Variants in TMEM117 observed in about 807,000 individuals in gnomAD.
The protein encoded by TMEM117 is transmembrane protein 117.
TMEM117 carries 27 observed loss-of-function variants against 52.4 expected under a neutral mutation model. The observed-to-expected ratio is 0.51, with a 90% CI of 0.38 to 0.71. The LOEUF (loss-of-function observed/expected upper bound fraction) is 0.71, where lower values mean the gene tolerates loss of function less well. Among genes scored for constraint, TMEM117 ranks in the 30% least tolerant of loss-of-function variants. The pLI is 0.00. For synonymous variants in TMEM117, 215 were observed against 206.3 expected (o/e 1.04, Z -0.36); for missense variants, 556 against 630.5 (o/e 0.88, Z 1.26).
chr12:44,124,357 A>G (rs1214579150), intron 3 of TMEM117, among the ~76,000 whole-genome samples: 1 of 152,206 alleles, frequency 6.6e-6, no homozygotes, highest in African/African-American at 2.4e-5. Context: ...AGCAAAGACA[A>G]TTTGACTTCC....
intron 3 of TMEM117, among the ~76,000 whole-genome samples, chr12:44,103,872 A>G (rs1947906597): frequency 6.6e-6 from 1 of 152,030 alleles, no homozygotes; most frequent in African/African-American, 2.4e-5. Context: ...GCACTTTTAA[A>G]ACATATAGAT....
At chr12:43,819,224 T>C in the TMEM117 span, among the ~76,000 whole-genome samples, 1 of 152,224 alleles carries the variant, frequency 6.6e-6, no homozygotes, top group South Asian at 2.1e-4. Flanking sequence ...AATTCTTACT[T>C]GCTTTCTTGC....
intron 5 of TMEM117, among the ~76,000 whole-genome samples, chr12:44,258,598 A>C (rs1950286781): frequency 6.6e-6 from 1 of 151,978 alleles, no homozygotes; most frequent in African/African-American, 2.4e-5. Flanking sequence ...TATTTATTCA[A>C]ACTCTTTTGA....
At chr12:43,931,324 C>G (rs1191562247) in intron 2 of TMEM117, among the ~76,000 whole-genome samples, 1 of 152,156 alleles carries the variant, frequency 6.6e-6, no homozygotes, top group East Asian at 1.9e-4. Context: ...AAGAACAAAA[C>G]TCAAGAGTAC....
chr12:44,214,463 C>T (rs1345515644), intron 5 of TMEM117, among the ~76,000 whole-genome samples: 4 of 152,016 alleles, frequency 2.6e-5, no homozygotes, highest in Non-Finnish European at 4.4e-5. Context: ...CCACCACACC[C>T]GGCCTCAAAT....
At chr12:44,179,416 C>T (rs951669701) in intron 4 of TMEM117, among the ~76,000 whole-genome samples, 3 of 152,120 alleles carry the variant, frequency 2.0e-5, no homozygotes, top group Non-Finnish European at 2.9e-5. Flanking sequence ...GCTGAAGGCC[C>T]GAGAGCTTCT....
chr12:44,195,905 TA>T (rs1204754399), intron 4 of TMEM117, among the ~76,000 whole-genome samples: 6 of 147,772 alleles, frequency 4.1e-5, no homozygotes, highest in African/African-American at 1.5e-4. Context: ...AATAAATAAA[TA>T]AATAAATAAA....
At chr12:44,166,652 A>T (rs1189984688) in intron 4 of TMEM117, among the ~76,000 whole-genome samples, 1 of 152,186 alleles carries the variant, frequency 6.6e-6, no homozygotes, top group African/African-American at 2.4e-5. Flanking sequence ...TACTTAAATG[A>T]TCATGCTGCT....
At chr12:44,199,823 A>G (rs978041758) in intron 4 of TMEM117, among the ~76,000 whole-genome samples, 4 of 152,158 alleles carry the variant, frequency 2.6e-5, no homozygotes, top group Admixed American at 6.6e-5. Flanking sequence ...AATGCTGTTA[A>G]AGAATACTTA....
chr12:44,343,397 G>A (rs1038248357), intron 6 of TMEM117, among the ~76,000 whole-genome samples: 2 of 152,092 alleles, frequency 1.3e-5, no homozygotes, highest in Admixed American at 6.6e-5. Flanking sequence ...TGCCCCTAAA[G>A]GGACTTGCTT....
chr12:44,018,206 C>T (rs546660417), intron 3 of TMEM117, among the ~76,000 whole-genome samples: 1 of 152,122 alleles, frequency 6.6e-6, no homozygotes, highest in African/African-American at 2.4e-5. Flanking sequence ...TCTAGTTAGT[C>T]AACTAGATTT....
At chr12:44,375,880 A>C (rs930594457) in intron 6 of TMEM117, among the ~76,000 whole-genome samples, 2 of 152,170 alleles carry the variant, frequency 1.3e-5, no homozygotes, top group Non-Finnish European at 2.9e-5. Flanking sequence ...GAGACACCTA[A>C]AAATATCCTC....
At chr12:43,810,826 A>G in the TMEM117 span, among the ~76,000 whole-genome samples, 171 of 152,328 alleles carry the variant, frequency 1.1e-3, 2 homozygotes, top group African/African-American at 3.6e-3. Context: ...ATACTTTATC[A>G]TAAAGCTTCA....
chr12:44,199,538 G>T (rs1949465466), intron 4 of TMEM117, among the ~76,000 whole-genome samples: 1 of 152,010 alleles, frequency 6.6e-6, no homozygotes, highest in Admixed American at 6.6e-5. Context: ...TATCAACCAA[G>T]TCAGGAAAAT....
chr12:44,193,259 A>G (rs1416285444), intron 4 of TMEM117, among the ~76,000 whole-genome samples: 2 of 152,242 alleles, frequency 1.3e-5, no homozygotes, highest in African/African-American at 4.8e-5. Flanking sequence ...TAACCAGGAA[A>G]AAGCAACAGC....
intron 3 of TMEM117, among the ~76,000 whole-genome samples, chr12:44,110,214 G>A (rs866845574): frequency 1.0e-4 from 15 of 146,704 alleles, no homozygotes; most frequent in African/African-American, 1.8e-4. Context: ...TCTCCTGCCT[G>A]ATTGCCCTGG....
At chr12:44,282,442 G>C (rs187421594) in intron 5 of TMEM117, among the ~76,000 whole-genome samples, 6 of 152,282 alleles carry the variant, frequency 3.9e-5, no homozygotes, top group Admixed American at 3.3e-4. Context: ...TAGCGATATG[G>C]ACCATAAGGT....
intron 4 of TMEM117, among the ~76,000 whole-genome samples, chr12:44,150,874 AG>A (rs1458909525): frequency 6.6e-6 from 1 of 152,160 alleles, no homozygotes; most frequent in Admixed American, 6.6e-5. Flanking sequence ...CGGGTAAAAA[AG>A]GTTGTACTAT....
intron 3 of TMEM117, among the ~76,000 whole-genome samples, chr12:43,974,190 T>C (rs2137700154): frequency 6.6e-6 from 1 of 152,288 alleles, no homozygotes; most frequent in African/African-American, 2.4e-5. Context: ...TCACTACCTA[T>C]TTCTTCACTT....
Sources: gnomAD v4.1 joint callset for allele counts (sites outside exome capture counted in the v4.1 genomes callset) on GRCh38, gnomAD v4.1.1 for gene constraint, MANE v1.5 for transcripts, NCBI Gene and HGNC (gene_info 2026-07-23, HGNC 2026-07-21) for gene names.